WNK1: variants seen among roughly 807,000 people sequenced by gnomAD.
The protein encoded by WNK1 is serine/threonine-protein kinase WNK1.
Under a neutral mutation model 222.8 loss-of-function variants are expected in WNK1, and 38 were observed. The ratio of observed to expected loss-of-function variants is 0.17; its 90% CI spans 0.13 to 0.22. WNK1 has a LOEUF of 0.22. WNK1 is among the 10% of genes least tolerant of loss of function. The pLI is 1.00. For synonymous variants in WNK1, 1,090 were observed against 1,092.9 expected, an observed-to-expected ratio of 1.00 and a Z score of 0.05; for missense variants, 2,348 against 2,918.4, an observed-to-expected ratio of 0.80 and a Z score of 4.50.
intron 25 of WNK1, among the ~76,000 whole-genome samples, chr12:898,747 A>AT (rs35468706): frequency 0.13 from 19,771 of 148,726 alleles, 1,527 homozygotes; most frequent in Middle Eastern, 0.23. Flanking sequence ...CTAACTTTGA[A>AT]TTTTTTTTTT....
intron 6 of WNK1, 54 bp downstream of exon 6, chr12:859,518 TA>T: frequency 7.1e-7 from 1 of 1,406,030 alleles, no homozygotes; most frequent in Non-Finnish European, 9.9e-7. Context: ...ATATCAATAC[TA>T]TCATTAAGCA....
chr12:843,711 A>G (rs1421221547), intron 4 of WNK1, among the ~76,000 whole-genome samples: 1 of 152,238 alleles, frequency 6.6e-6, no homozygotes, highest in Non-Finnish European at 1.5e-5. Context: ...TGAGAACCAC[A>G]GTTTTAGCAA....
intron 7 of WNK1, 34 bp downstream of exon 7, chr12:861,377 T>G (rs1233249196): frequency 6.2e-7 from 1 of 1,606,874 alleles, no homozygotes; most frequent in Non-Finnish European, 8.5e-7. Flanking sequence ...GATAGGCTAA[T>G]GATTCTCCTA....
At chr12:868,427 C>A in intron 8 of WNK1, 2 of 1,613,940 alleles carry the variant, frequency 1.2e-6, no homozygotes, top group Non-Finnish European at 1.7e-6. Flanking sequence ...CTTTGAATTT[C>A]CATCTGGACA....
intron 8 of WNK1, chr12:868,586 G>A (rs1951878602): frequency 1.2e-6 from 2 of 1,613,834 alleles, no homozygotes; most frequent in African/African-American, 2.7e-5. Flanking sequence ...TGCGCCTGCT[G>A]TGTTAACTCA....
chr12:867,821 C>A, intron 8 of WNK1: 1 of 1,607,988 alleles, frequency 6.2e-7, no homozygotes, highest in South Asian at 1.1e-5. Context: ...GATGTAATTT[C>A]ACATATGAAT....
At chr12:888,848 ACT>A (rs1953928574) in intron 20 of WNK1, among the ~76,000 whole-genome samples, 1 of 152,144 alleles carries the variant, frequency 6.6e-6, no homozygotes, top group African/African-American at 2.4e-5. Flanking sequence ...CAAATAAATA[ACT>A]CTTTCTACCG....
At chr12:760,845 C>T (rs1487099410) in intron 1 of WNK1, among the ~76,000 whole-genome samples, 1 of 146,384 alleles carries the variant, frequency 6.8e-6, no homozygotes, top group Non-Finnish European at 1.5e-5. Flanking sequence ...GGGATCTTGG[C>T]TCACTGAAAC....
chr12:876,270 G>A (rs540669179), intron 9 of WNK1, among the ~76,000 whole-genome samples: 15 of 152,206 alleles, frequency 9.9e-5, no homozygotes, highest in Admixed American at 3.3e-4. Flanking sequence ...TTAGCCGGGC[G>A]TGGTGGCAGG....
intron 1 of WNK1, among the ~76,000 whole-genome samples, chr12:795,342 C>G (rs1335839329): frequency 1.4e-5 from 2 of 141,604 alleles, no homozygotes; most frequent in African/African-American, 5.3e-5. Flanking sequence ...TGGTTTGGCT[C>G]TGTATCCCCC....
In WNK1 at chr12:753,613, G is replaced by C. The variant is rs368453008; in HGVS notation, c.48G>C (p.Leu16=). The C allele has an allele frequency of 1.2e-6, 2 of 1,612,686 alleles. No individual in the cohort carries two copies. Among genetic ancestry groups the C allele is most frequent in the South Asian group, 2.2e-5 (2 of 91,092 alleles). Residue 16 remains leucine (L), a synonymous_variant, in exon 1 of 28, where the codon CTG becomes CTC. Transcript: ENST00000315939. The surrounding 1 kb of genome is among the most constrained non-coding windows in gnomAD (Gnocchi z 5.2). ...AGCAGAGCAGCACTCCCGGTTCCCT[G>C]TTCCTCTCGCCGCCGGCTCCTGCCC... ...AEKQSSTPGS[L]FLSPPAPAPK... is the part of the protein sequence containing the mutation.
chr12:854,312 A>G (rs1950612180), intron 4 of WNK1, among the ~76,000 whole-genome samples: 1 of 146,218 alleles, frequency 6.8e-6, no homozygotes, highest in East Asian at 2.2e-4. Context: ...CAATCCCACC[A>G]CTGCACTCCA....
chr12:904,753 T>C (rs1269981551), intron 26 of WNK1, among the ~76,000 whole-genome samples: 1 of 152,206 alleles, frequency 6.6e-6, no homozygotes, highest in Non-Finnish European at 1.5e-5. Flanking sequence ...CAGGGATGCC[T>C]AGTTCCTATG....
intron 2 of WNK1, among the ~76,000 whole-genome samples, chr12:816,316 A>G (rs1051347003): frequency 6.6e-6 from 1 of 152,110 alleles, no homozygotes; most frequent in Admixed American, 6.6e-5. Flanking sequence ...GTTGCCCAGG[A>G]CAGAGTGCAG....
chr12:758,444 G>T (rs960077922), intron 1 of WNK1, among the ~76,000 whole-genome samples: 4 of 115,390 alleles, frequency 3.5e-5, no homozygotes, highest in African/African-American at 1.3e-4. Flanking sequence ...GCGGACTGCA[G>T]TGGCGCAATC....
chr12:873,787 C>T (rs1335331639), intron 9 of WNK1, among the ~76,000 whole-genome samples: 1 of 152,136 alleles, frequency 6.6e-6, no homozygotes, highest in East Asian at 1.9e-4. Flanking sequence ...TACGTACTTT[C>T]AGGTCCCAAT....
intron 1 of WNK1, among the ~76,000 whole-genome samples, chr12:761,240 T>G (rs1940983654): frequency 6.8e-6 from 1 of 148,022 alleles, no homozygotes; most frequent in Non-Finnish European, 1.5e-5. Flanking sequence ...TCATAAATAA[T>G]TTACTTTTTA....
chr12:887,184 C>A, intron 19 of WNK1, 37 bp from the exon 20 acceptor site: 1 of 1,578,256 alleles, frequency 6.3e-7, no homozygotes, highest in Non-Finnish European at 8.7e-7. Flanking sequence ...TTATATTTAG[C>A]GTCTCACGGA....
rs1418089981 is a variant in WNK1 at position 785,404 on chromosome 12, C to G, written c.760-28238C>G. The stretch of plus-strand genomic sequence containing the variant: ...TAACGTCCATATCATTTTCTCCCCC[C>G]CCCCCACCCCCTCGAAGTGGAGTCT... On this transcript the variant is annotated intron_variant, in intron 1 of 27. Transcript: ENST00000315939. Among the ~76,000 whole-genome samples the G allele has an allele frequency of 1.0e-4, 4 of 39,518 alleles. No homozygotes were observed. In the East Asian group the frequency reaches 3.2e-3, roughly 31 times the overall value. 25.9% of individuals were successfully genotyped at this position (39,518 alleles called of 152,430 possible).
Sources: gnomAD v4.1 joint callset for allele counts (sites outside exome capture counted in the v4.1 genomes callset) on GRCh38, gnomAD v4.1.1 for gene constraint, Gnocchi (gnomAD v3.1) non-coding constraint, MANE v1.5 for transcripts, NCBI Gene and HGNC (gene_info 2026-07-23, HGNC 2026-07-21) for gene names.